DGUOK: variants seen among roughly 807,000 people sequenced by gnomAD.
The protein encoded by DGUOK is deoxyguanosine kinase, mitochondrial.
A neutral mutation model predicts 36.6 loss-of-function variants in DGUOK; 30 were observed. The observed-to-expected ratio is 0.82, with a 90% confidence interval of 0.61 to 1.11. The LOEUF (loss-of-function observed/expected upper bound fraction) is 1.11, where lower values mean the gene tolerates loss of function less well. Ranked by LOEUF, DGUOK falls within the 50% of genes most tolerant of loss-of-function variation. DGUOK has a pLI of 0.00. For synonymous variants in DGUOK, 145 were observed against 126.3 expected (o/e 1.15, Z -0.99); for missense variants, 361 against 336.4 (o/e 1.07, Z -0.57).
At chr2:73,935,462 C>T (rs968706840) in intron 1 of DGUOK, among the ~76,000 whole-genome samples, 35 of 152,024 alleles carry the variant, frequency 2.3e-4, no homozygotes, top group Admixed American at 4.6e-4. Flanking sequence ...AAACAAACAA[C>T]ACCCCAGCAA....
intron 4 of DGUOK, among the ~76,000 whole-genome samples, chr2:73,953,292 C>T (rs1425564278): frequency 5.1e-4 from 14 of 27,658 alleles, no homozygotes; most frequent in Non-Finnish European, 7.1e-4. Flanking sequence ...TCATCATCAT[C>T]GTCGTCGTCG....
At chr2:73,948,019 A>C (rs1436251390) in intron 3 of DGUOK, 1 of 152,190 alleles carries the variant, frequency 6.6e-6, no homozygotes, top group Non-Finnish European at 1.5e-5. Flanking sequence ...GATATGTAAA[A>C]CAAACCCTAT....
intron 2 of DGUOK, among the ~76,000 whole-genome samples, chr2:73,939,643 T>C (rs981270845): frequency 4.6e-5 from 7 of 152,196 alleles, no homozygotes; most frequent in Non-Finnish European, 1.0e-4. Flanking sequence ...ACATGACCCT[T>C]AGAGGGAGCA....
intron 3 of DGUOK, among the ~76,000 whole-genome samples, chr2:73,950,286 A>AGGG (rs1682612094): frequency 6.6e-6 from 1 of 152,208 alleles, no homozygotes; most frequent in African/African-American, 2.4e-5. Flanking sequence ...GAAAATTGTT[A>AGGG]GGGACCAATG....
chr2:73,946,657 T>C (rs1682329391), intron 2 of DGUOK, 62 bp from the exon 3 acceptor site: 3 of 1,458,862 alleles, frequency 2.1e-6, no homozygotes, highest in Non-Finnish European at 1.9e-6. Flanking sequence ...TGTGGAGGGG[T>C]GTACCCCATG....
At chr2:73,953,719 CTTTTTTTTTTT>C (rs386390474) in intron 4 of DGUOK, among the ~76,000 whole-genome samples, 14 of 95,788 alleles carry the variant, frequency 1.5e-4, no homozygotes, top group Non-Finnish European at 2.6e-4. Flanking sequence ...TCCCTAACTT[CTTTTTTTTTTT>C]TTTTTTTTTT....
chr2:73,955,706 C>G (rs1046061778), intron 4 of DGUOK, among the ~76,000 whole-genome samples: 1 of 152,060 alleles, frequency 6.6e-6, no homozygotes, highest in African/African-American at 2.4e-5. Context: ...AACCCCATCT[C>G]TACTAAAAAT....
intron 1 of DGUOK, among the ~76,000 whole-genome samples, chr2:73,933,890 A>G (rs1022602851): frequency 3.3e-5 from 5 of 152,370 alleles, no homozygotes; most frequent in Middle Eastern, 3.4e-3. Context: ...CATCAAATAC[A>G]GTATCTGAAA....
intron 4 of DGUOK, 147 bp from the exon 5 acceptor site, chr2:73,956,975 GATT>G: frequency 1.8e-6 from 1 of 568,318 alleles, no homozygotes; most frequent in Non-Finnish European, 3.3e-6. Flanking sequence ...TAGATCCTCT[GATT>G]GCATAAGAAA....
chr2:73,955,735 G>A (rs532692859), intron 4 of DGUOK, among the ~76,000 whole-genome samples: 6 of 152,114 alleles, frequency 3.9e-5, no homozygotes, highest in South Asian at 2.1e-4. Context: ...TTAGTTGGGC[G>A]TGGTGGCTCC....
At chr2:73,936,317 G>A (rs1237816290) in intron 1 of DGUOK, among the ~76,000 whole-genome samples, 2 of 152,102 alleles carry the variant, frequency 1.3e-5, no homozygotes, top group African/African-American at 4.8e-5. Context: ...TAGGCTTGCT[G>A]GGGGAAAGGA....
chr2:73,948,239 TAGTC>T lies in DGUOK; in HGVS notation c.443+1338_443+1341del, dbSNP rs147249044. Among the ~76,000 whole-genome samples the T allele has an allele frequency of 6.1e-4, 93 of 152,320 alleles. No individual in the cohort carries two copies. In the East Asian group the frequency reaches 0.016, roughly 26 times the overall value. ...TAACCACATGGGTTGTTTGGAAACA[TAGTC>T]AGTCTTTATTTCTAGCCGCTTCATG... On this transcript the variant is annotated intron_variant, in intron 3 of 6. Transcript: ENST00000264093.
intron 1 of DGUOK, among the ~76,000 whole-genome samples, chr2:73,934,703 C>T (rs956238824): frequency 1.3e-5 from 2 of 149,910 alleles, no homozygotes; most frequent in African/African-American, 2.5e-5. Flanking sequence ...TGCAGTGAGC[C>T]GAGATCACCC....
chr2:73,950,970 C>A (rs1682664920), intron 4 of DGUOK, among the ~76,000 whole-genome samples: 1 of 152,160 alleles, frequency 6.6e-6, no homozygotes, highest in Non-Finnish European at 1.5e-5. Context: ...GATGTAGGAA[C>A]AACAGAGCAA....
intron 2 of DGUOK, among the ~76,000 whole-genome samples, chr2:73,944,029 C>T (rs1275598381): frequency 6.6e-6 from 1 of 152,064 alleles, no homozygotes; most frequent in African/African-American, 2.4e-5. Context: ...AATGCAGTGG[C>T]CCTATTATAG....
chr2:73,940,510 CTGTG>C (rs1190482174), intron 2 of DGUOK, among the ~76,000 whole-genome samples: 1 of 151,938 alleles, frequency 6.6e-6, no homozygotes, highest in South Asian at 2.1e-4. Context: ...GTATGTGTGC[CTGTG>C]TGTGTATTTG....
intron 1 of DGUOK, among the ~76,000 whole-genome samples, chr2:73,929,141 T>C (rs1175339396): frequency 6.6e-6 from 1 of 152,230 alleles, no homozygotes; most frequent in Non-Finnish European, 1.5e-5. Flanking sequence ...TGGTGTGGTC[T>C]TGCCCTGTTG....
intron 1 of DGUOK, among the ~76,000 whole-genome samples, chr2:73,930,008 C>G (rs1297972646): frequency 1.3e-5 from 2 of 152,250 alleles, no homozygotes; most frequent in African/African-American, 2.4e-5. Context: ...TAAATCGGGA[C>G]AGAGGATAGA....
chr2:73,954,915 G>A (rs980961481), intron 4 of DGUOK, among the ~76,000 whole-genome samples: 1 of 152,116 alleles, frequency 6.6e-6, no homozygotes, highest in Non-Finnish European at 1.5e-5. Context: ...AGATGAAGAG[G>A]GGTCAGACTA....
Sources: allele counts gnomAD v4.1 joint callset (sites outside exome capture counted in the v4.1 genomes callset), GRCh38; gene constraint gnomAD v4.1.1; transcripts MANE v1.5; gene names NCBI Gene and HGNC (gene_info 2026-07-23, HGNC 2026-07-21).